CDKN2B-AS1: variants seen among roughly 807,000 people sequenced by gnomAD.
CDKN2B-AS1 encodes CDKN2B and CDKN2A antisense cis and trans regulatory RNA 1, also known as CDKN2B antisense RNA 1 (non-protein coding).
At chr9:22,008,910 T>C (rs1487774219) in intron 1 of CDKN2B-AS1, 2 of 1,612,892 alleles carry the variant, frequency 1.2e-6, no homozygotes, top group South Asian at 2.2e-5. Context: ...CAGACCCTCA[T>C]CGCTGCCGCC....
exon 5 of CDKN2B-AS1, among the ~76,000 whole-genome samples, chr9:22,127,592 A>G (rs960071952): frequency 6.6e-5 from 10 of 152,102 alleles, no homozygotes; most frequent in African/African-American, 2.4e-4. Flanking sequence ...TTGGAGGGGA[A>G]CTTTGAGGGC....
rs778420034 is a variant in CDKN2B-AS1 at position 22,006,256 on chromosome 9, G to A, written n.29+11095G>A. Reference sequence around the variant, plus strand: ...CTGCCCATCATCATGACCTGCCAGAGAGAGCAGAGTGGTCAGAGCCAGGGT... The same window carrying A: ...CTGCCCATCATCATGACCTGCCAGAAAGAGCAGAGTGGTCAGAGCCAGGGT... On this transcript the variant is annotated intron_variant and non_coding_transcript_variant, in intron 1 of 4. Transcript: ENST00000650946. The surrounding 1 kb of genome is among the most constrained non-coding windows in gnomAD (Gnocchi z 6.4). 1 of 1,603,458 alleles carries A rather than the reference G, an allele frequency of 6.2e-7. No individual in the cohort carries two copies. Among genetic ancestry groups the A allele is most frequent in the Non-Finnish European group, 8.5e-7 (1 of 1,179,906 alleles).
chr9:22,029,237 C>T (rs565325829), intron 1 of CDKN2B-AS1, among the ~76,000 whole-genome samples: 4 of 152,062 alleles, frequency 2.6e-5, no homozygotes, highest in South Asian at 2.1e-4. Context: ...GATATCACTC[C>T]GTAGATTTAT....
At chr9:22,074,082 C>G (rs1440672581) in intron 4 of CDKN2B-AS1, among the ~76,000 whole-genome samples, 2 of 151,950 alleles carry the variant, frequency 1.3e-5, no homozygotes, top group Non-Finnish European at 2.9e-5. Context: ...AGGCTGGTCT[C>G]GAACTCCTAG....
At chr9:22,126,589 T>TC (rs1436394709) in intron 4 of CDKN2B-AS1, among the ~76,000 whole-genome samples, 2 of 147,134 alleles carry the variant, frequency 1.4e-5, no homozygotes, top group African/African-American at 5.0e-5. Flanking sequence ...TTTTTTTTTT[T>TC]TTTTTTGAGA....
chr9:22,027,374 C>T (rs542547108), intron 1 of CDKN2B-AS1, among the ~76,000 whole-genome samples: 2 of 152,048 alleles, frequency 1.3e-5, no homozygotes, highest in Non-Finnish European at 2.9e-5. Context: ...CATTCAAATG[C>T]AGAAGAATCT....
At chr9:22,070,413 C>T (rs1297856112) in intron 4 of CDKN2B-AS1, among the ~76,000 whole-genome samples, 1 of 152,070 alleles carries the variant, frequency 6.6e-6, no homozygotes, top group Non-Finnish European at 1.5e-5. Context: ...GACATGTAAA[C>T]AATGAATATA....
At chr9:22,004,698 C>T (rs1021646907) in intron 1 of CDKN2B-AS1, 12 of 232,658 alleles carry the variant, frequency 5.2e-5, no homozygotes, top group Admixed American at 3.4e-4. Flanking sequence ...GGACATCCCA[C>T]GAGCCATCAT....
chr9:22,001,749 T>G lies in CDKN2B-AS1; in HGVS notation n.29+6588T>G, dbSNP rs1820926953. Reference sequence around the variant, plus strand: ...TTTAAGAGGCAAGAAAGGAGTAATTTCATTTGGATAGCTGAAATTGAGAAA... The same window carrying G: ...TTTAAGAGGCAAGAAAGGAGTAATTGCATTTGGATAGCTGAAATTGAGAAA... On this transcript the variant is annotated intron_variant and non_coding_transcript_variant, in intron 1 of 4. Coordinates refer to ENST00000650946, the Ensembl canonical transcript of CDKN2B-AS1. The surrounding 1 kb of genome is among the most constrained non-coding windows in gnomAD (Gnocchi z 4.2). 6.6e-6 allele frequency among the ~76,000 whole-genome samples: 1 copy of G among 152,116 alleles called. No individual in the cohort carries two copies. The highest frequency in any genetic ancestry group is 1.5e-5 in the Non-Finnish European group (1 of 67,968).
At chr9:22,013,288 A>T (rs1442240820) in intron 1 of CDKN2B-AS1, among the ~76,000 whole-genome samples, 1 of 152,250 alleles carries the variant, frequency 6.6e-6, no homozygotes, top group Non-Finnish European at 1.5e-5. Flanking sequence ...TAGAGGTGAC[A>T]GAATTTAACC....
chr9:22,040,360 A>G (rs1198999071), intron 1 of CDKN2B-AS1, among the ~76,000 whole-genome samples: 1 of 152,068 alleles, frequency 6.6e-6, no homozygotes, highest in African/African-American at 2.4e-5. Context: ...CTATTTCATT[A>G]TAGTGCCAGT....
chr9:22,046,359 T>A (rs1400440694), intron 1 of CDKN2B-AS1: 1 of 152,160 alleles, frequency 6.6e-6, no homozygotes, highest in East Asian at 1.9e-4. Context: ...ATAATTTTCC[T>A]GTCAAAGACC....
chr9:22,119,958 G>T lies in CDKN2B-AS1; in HGVS notation n.439-7145G>T, dbSNP rs1358779725. ...AGAACTTTAGCATGAACTTGAGCTT[G>T]GGTTCAGCTAGACTTTCATATAAAT... On this transcript the variant is annotated intron_variant and non_coding_transcript_variant, in intron 4 of 4. Coordinates refer to ENST00000650946, the Ensembl canonical transcript of CDKN2B-AS1. 2.6e-5 allele frequency: 4 copies of T among 152,174 alleles called. No individual in the cohort carries two copies. In the East Asian group the frequency reaches 7.7e-4, roughly 29 times the overall value. 9.4% of individuals were successfully genotyped at this position (152,174 alleles called of 1,614,324 possible). A position where few individuals can be genotyped will look rare whatever the true frequency, so the allele number is the denominator to read the frequency against.
At chr9:22,046,145 T>C (rs1167130397) in intron 1 of CDKN2B-AS1, among the ~76,000 whole-genome samples, 1 of 152,100 alleles carries the variant, frequency 6.6e-6, no homozygotes, top group African/African-American at 2.4e-5. Flanking sequence ...CTCAAAGTAC[T>C]GTAATTTGTC....
chr9:22,026,640 A>C (rs543830), intron 1 of CDKN2B-AS1, among the ~76,000 whole-genome samples: 2 of 152,026 alleles, frequency 1.3e-5, no homozygotes, highest in Non-Finnish European at 2.9e-5. Flanking sequence ...ATCTCGCTGG[A>C]TTCAGCCTCT....
At chr9:22,004,168 T>C (rs1453105837) in intron 1 of CDKN2B-AS1, 9 of 232,332 alleles carry the variant, frequency 3.9e-5, no homozygotes. Context: ...ACATATCCTT[T>C]CCCCAATAAC....
chr9:22,116,778 G>A (rs917063948), intron 4 of CDKN2B-AS1, among the ~76,000 whole-genome samples: 8 of 152,218 alleles, frequency 5.3e-5, no homozygotes, highest in Admixed American at 2.0e-4. Context: ...AAGACATTTG[G>A]TTACCATTCT....
intron 1 of CDKN2B-AS1, among the ~76,000 whole-genome samples, chr9:22,043,120 A>G (rs1822965689): frequency 6.6e-6 from 1 of 152,218 alleles, no homozygotes; most frequent in Non-Finnish European, 1.5e-5. Flanking sequence ...GGTTATTTGT[A>G]GTTATAATAG....
chr9:22,087,961 G>A (rs1164999240), intron 4 of CDKN2B-AS1, among the ~76,000 whole-genome samples: 2 of 152,218 alleles, frequency 1.3e-5, no homozygotes, highest in Admixed American at 1.3e-4. Flanking sequence ...GTTGAAAGGA[G>A]AGACTAGGGA....
Sources: allele counts gnomAD v4.1 joint callset (sites outside exome capture counted in the v4.1 genomes callset), GRCh38; gene constraint gnomAD v4.1.1; non-coding constraint Gnocchi (gnomAD v3.1); transcripts MANE v1.5; gene names NCBI Gene and HGNC (gene_info 2026-07-23, HGNC 2026-07-21).